Variants in TOMM20L observed in about 807,000 individuals in gnomAD.
TOMM20L encodes the protein TOMM20-like protein 1.
TOMM20L carries 19 observed loss-of-function variants against 20.4 expected under a neutral mutation model. The ratio of observed to expected loss-of-function variants is 0.93; its 90% confidence interval spans 0.65 to 1.36. The LOEUF (loss-of-function observed/expected upper bound fraction) is 1.36, where lower values mean the gene tolerates loss of function less well. Among genes scored for constraint, TOMM20L ranks in the 40% most tolerant of loss-of-function variants. The pLI is 0.00. For missense variants in TOMM20L, 218 were observed against 203.7 expected (o/e 1.07, Z -0.43); for synonymous variants, 75 against 79.6 (o/e 0.94, Z 0.30).
the TOMM20L span, among the ~76,000 whole-genome samples, chr14:58,416,001 A>G: frequency 1.6e-4 from 24 of 150,704 alleles, no homozygotes; most frequent in Non-Finnish European, 3.0e-4. Context: ...GGGTCGATTG[A>G]GGTCAGGAGT....
chr14:58,414,957 T>A, the TOMM20L span, among the ~76,000 whole-genome samples: 2 of 152,094 alleles, frequency 1.3e-5, no homozygotes, highest in African/African-American at 4.8e-5. Context: ...CTACTTGACA[T>A]TCAGGACTTG....
downstream of TOMM20L, among the ~76,000 whole-genome samples, chr14:58,412,636 C>T (rs989167909): frequency 3.3e-5 from 5 of 152,130 alleles, no homozygotes; most frequent in African/African-American, 1.2e-4. Flanking sequence ...TGTGGTGGCT[C>T]ATGCCTGTAA....
chr14:58,408,556 G>A lies in TOMM20L; in HGVS notation c.433G>A (p.Asp145Asn), dbSNP rs1348505796. The part of the protein sequence containing the change: ...QQFEADMNEQ[D>N]CLEDDPD ...ATTTGAGGCAGACATGAATGAACAGGACTGCTTGGAGGATGATCCTGATTG... is the reference window on the plus strand; with the variant it reads ...ATTTGAGGCAGACATGAATGAACAGAACTGCTTGGAGGATGATCCTGATTG... The change falls in exon 5 of 5, where the codon GAC becomes AAC. Residue 145 changes from aspartate to asparagine, a missense_variant. Coordinates refer to ENST00000360945, the MANE Select transcript of TOMM20L (RefSeq NM_207377.3). The A allele has an allele frequency of 3.1e-6, 5 of 1,613,856 alleles. No homozygotes were observed. The South Asian group carries it at 5.5e-5, about 18-fold the overall frequency.
the TOMM20L span, among the ~76,000 whole-genome samples, chr14:58,415,944 AGTGCCTCAC>A: frequency 6.6e-6 from 1 of 152,004 alleles, no homozygotes; most frequent in Admixed American, 6.6e-5. Context: ...GGCTGAGCGC[AGTGCCTCAC>A]GTCTATAATC....
chr14:58,396,190 C>T (rs180747196), intron 1 of TOMM20L, 97 bp downstream of exon 1: 5 of 1,507,512 alleles, frequency 3.3e-6, no homozygotes, highest in African/African-American at 1.4e-5. Flanking sequence ...CCGTGAGTGC[C>T]TCAGCCTCTG....
chr14:58,402,784 G>A, intron 3 of TOMM20L, 23 bp downstream of exon 3: 1 of 1,538,462 alleles, frequency 6.5e-7, no homozygotes, highest in South Asian at 1.1e-5. Context: ...ATGTTCTTTT[G>A]TGAGTTATGA....
chr14:58,397,270 A>G (rs556557865), intron 2 of TOMM20L, among the ~76,000 whole-genome samples: 16 of 152,210 alleles, frequency 1.1e-4, no homozygotes, highest in Non-Finnish European at 1.9e-4. Context: ...GTATGTGTGT[A>G]TATATATGTG....
At chr14:58,407,540 A>G (rs1438984130) in intron 4 of TOMM20L, 72 bp downstream of exon 4, 3 of 1,469,896 alleles carry the variant, frequency 2.0e-6, no homozygotes, top group Non-Finnish European at 2.7e-6. Flanking sequence ...CTACACAGAA[A>G]TATCAAAGTA....
intron 4 of TOMM20L, among the ~76,000 whole-genome samples, chr14:58,407,777 T>C (rs1273943686): frequency 6.6e-6 from 1 of 152,222 alleles, no homozygotes. Flanking sequence ...ACAGGCTAAT[T>C]AGCATTCTCT....
chr14:58,402,111 G>A (rs1428663652), intron 2 of TOMM20L, among the ~76,000 whole-genome samples: 1 of 151,904 alleles, frequency 6.6e-6, no homozygotes, highest in East Asian at 1.9e-4. Flanking sequence ...TATGTGGCTG[G>A]GTAAAATTTG....
At chr14:58,396,927 C>G (rs1366915134) in intron 2 of TOMM20L, among the ~76,000 whole-genome samples, 1 of 152,222 alleles carries the variant, frequency 6.6e-6, no homozygotes, top group Non-Finnish European at 1.5e-5. Context: ...AAGCCTGTCT[C>G]TACTAAAAAT....
chr14:58,409,519 C>T (rs978352387), downstream of TOMM20L, among the ~76,000 whole-genome samples: 12 of 152,124 alleles, frequency 7.9e-5, no homozygotes, highest in African/African-American at 2.9e-4. Flanking sequence ...AAGTTTGTTC[C>T]TTTTTAATGA....
rs375105400 is a variant in TOMM20L at position 58,407,465 on chromosome 14, C to T, written c.402C>T (p.Cys134=). ...EMLLHKIPLI[C]QQFEADMNEQ... ...TGTTGCACAAAATTCCCCTTATTTG[C>T]CAGGTGAGCACATATTTAATTATCT... The change falls in exon 4 of 5, where the codon TGC becomes TGT. Residue 134 remains cysteine (C), a synonymous_variant. Transcript: ENST00000360945. 123 of 1,611,062 alleles carry T rather than the reference C, an allele frequency of 7.6e-5. No individual in the cohort carries two copies. The highest frequency in any genetic ancestry group is 9.5e-5 in the Non-Finnish European group (112 of 1,179,030).
In TOMM20L at chr14:58,403,242, C is replaced by A. The variant is rs146772868; in HGVS notation, c.262+481C>A. ...GTACCATGGCATGTGCCTGTAGTCC[C>A]AGCTACTCAGAAGGCTGAGGTGAGA... On this transcript the variant is annotated intron_variant, in intron 3 of 4. Coordinates refer to ENST00000360945, the MANE Select transcript of TOMM20L (RefSeq NM_207377.3). 2.0e-5 allele frequency among the ~76,000 whole-genome samples: 3 copies of A among 152,262 alleles called. 1 individual carries two copies. The East Asian group carries it at 5.8e-4, about 29-fold the overall frequency.
At chr14:58,404,267 C>CTACAG (rs2036030893) in intron 3 of TOMM20L, among the ~76,000 whole-genome samples, 1 of 141,874 alleles carries the variant, frequency 7.0e-6, no homozygotes. Context: ...GTAGCTGGGA[C>CTACAG]TACAGGCGCC....
intron 2 of TOMM20L, 50 bp from the exon 3 acceptor site, chr14:58,402,630 A>C: frequency 2.8e-6 from 4 of 1,419,648 alleles, no homozygotes; most frequent in Non-Finnish European, 4.0e-6. Context: ...ATCAGTAGCC[A>C]TATACCTTAC....
At chr14:58,408,417 CAAAAAAAAAA>C in intron 4 of TOMM20L, 102 bp from the exon 5 acceptor site, 2 of 722,324 alleles carry the variant, frequency 2.8e-6, no homozygotes, top group Non-Finnish European at 4.1e-6. Flanking sequence ...AACTCCGTCT[CAAAAAAAAAA>C]AAAAAGAAAA....
At chr14:58,405,257 C>T (rs561808812) in intron 3 of TOMM20L, among the ~76,000 whole-genome samples, 8 of 152,252 alleles carry the variant, frequency 5.3e-5, no homozygotes, top group South Asian at 4.1e-4. Context: ...CATGAGCCAC[C>T]GCGCCCAGCC....
chr14:58,402,078 T>G (rs895378082), intron 2 of TOMM20L, among the ~76,000 whole-genome samples: 1 of 152,184 alleles, frequency 6.6e-6, no homozygotes, highest in African/African-American at 2.4e-5. Context: ...TTTGTTATAT[T>G]AACTACAGTA....
Sources: allele counts gnomAD v4.1 joint callset (sites outside exome capture counted in the v4.1 genomes callset), GRCh38; gene constraint gnomAD v4.1.1; transcripts MANE v1.5; gene names NCBI Gene and HGNC (gene_info 2026-07-23, HGNC 2026-07-21).